The following SGCZ variants were observed in gnomAD, a reference collection of about 807,000 sequenced individuals.
SGCZ encodes sarcoglycan zeta.
SGCZ carries 40 observed loss-of-function variants against 41.3 expected under a neutral mutation model. The ratio of observed to expected loss-of-function variants is 0.97; its 90% CI spans 0.75 to 1.26. The LOEUF (loss-of-function observed/expected upper bound fraction) is 1.26, where lower values mean the gene tolerates loss of function less well. Among genes scored for constraint, SGCZ ranks in the 50% most tolerant of loss-of-function variants. SGCZ has a pLI of 0.00. For synonymous variants in SGCZ, 206 were observed against 137.5 expected (o/e 1.50, Z -3.49); for missense variants, 552 against 369.8 (o/e 1.49, Z -4.04).
intron 2 of SGCZ, among the ~76,000 whole-genome samples, chr8:14,396,554 C>A (rs1798925833): frequency 6.6e-6 from 1 of 151,942 alleles, no homozygotes; most frequent in South Asian, 2.1e-4. Context: ...TGTAAACTTT[C>A]TCTTTACTAG....
intron 1 of SGCZ, among the ~76,000 whole-genome samples, chr8:15,079,954 T>C (rs2131042654): frequency 6.6e-6 from 1 of 152,308 alleles, no homozygotes; most frequent in African/African-American, 2.4e-5. Context: ...ACACTTTTGA[T>C]TGCCTGCTCT....
At chr8:15,095,192 G>C (rs573141748) in intron 1 of SGCZ, among the ~76,000 whole-genome samples, 1 of 152,006 alleles carries the variant, frequency 6.6e-6, no homozygotes, top group South Asian at 2.1e-4. Context: ...TCCATCTCCC[G>C]GGTTCAAGCG....
intron 4 of SGCZ, among the ~76,000 whole-genome samples, chr8:14,222,963 C>A (rs1806253541): frequency 6.6e-6 from 1 of 151,712 alleles, no homozygotes; most frequent in Non-Finnish European, 1.5e-5. Context: ...AGGCACGTAC[C>A]ACCACACCCA....
intron 3 of SGCZ, among the ~76,000 whole-genome samples, chr8:14,306,968 G>T (rs984990924): frequency 1.1e-4 from 16 of 152,122 alleles, no homozygotes; most frequent in African/African-American, 3.1e-4. Context: ...TTCTCAGCAA[G>T]AAATGAAATA....
intron 1 of SGCZ, among the ~76,000 whole-genome samples, chr8:14,779,629 C>G (rs1365665389): frequency 6.6e-6 from 1 of 152,064 alleles, no homozygotes; most frequent in Non-Finnish European, 1.5e-5. Context: ...ATATAAAATT[C>G]AAAATCAACT....
intron 1 of SGCZ, among the ~76,000 whole-genome samples, chr8:14,642,927 G>C (rs1807076341): frequency 6.6e-6 from 1 of 151,620 alleles, no homozygotes; most frequent in East Asian, 1.9e-4. Flanking sequence ...TAAAAGGGTA[G>C]AGATTTCTGT....
intron 2 of SGCZ, among the ~76,000 whole-genome samples, chr8:14,511,537 T>A (rs776118912): frequency 1.3e-5 from 2 of 151,964 alleles, no homozygotes. Flanking sequence ...AAGATTCCAA[T>A]GGAAGGATAG....
intron 6 of SGCZ, among the ~76,000 whole-genome samples, chr8:14,104,160 T>C (rs1802129855): frequency 6.6e-6 from 1 of 152,190 alleles, no homozygotes; most frequent in Non-Finnish European, 1.5e-5. Context: ...AGTTTATTGG[T>C]ACTACTTGTG....
chr8:14,457,395 C>T (rs1396063898), intron 2 of SGCZ, among the ~76,000 whole-genome samples: 1 of 152,198 alleles, frequency 6.6e-6, no homozygotes, highest in Non-Finnish European at 1.5e-5. Flanking sequence ...CAAAAGGTGT[C>T]AAGGAACAAC....
intron 1 of SGCZ, among the ~76,000 whole-genome samples, chr8:15,083,399 A>G (rs949784865): frequency 1.3e-5 from 2 of 152,248 alleles, no homozygotes; most frequent in African/African-American, 4.8e-5. Flanking sequence ...ATTAAACAAA[A>G]TATCTAAGGT....
At chr8:14,633,618 C>T (rs1252398499) in intron 1 of SGCZ, among the ~76,000 whole-genome samples, 1 of 151,754 alleles carries the variant, frequency 6.6e-6, no homozygotes, top group African/African-American at 2.4e-5. Flanking sequence ...CTACAACAAA[C>T]AGCTGTTTTT....
chr8:15,148,317 C>A (rs1275018875), intron 1 of SGCZ, among the ~76,000 whole-genome samples: 1 of 152,154 alleles, frequency 6.6e-6, no homozygotes, highest in East Asian at 1.9e-4. Flanking sequence ...TATCGGACAT[C>A]AGGTTCAGGA....
intron 1 of SGCZ, among the ~76,000 whole-genome samples, chr8:14,989,367 T>C (rs1216863356): frequency 1.3e-5 from 2 of 152,018 alleles, no homozygotes; most frequent in African/African-American, 4.8e-5. Flanking sequence ...ATGCCTATAG[T>C]CTTAGCTACT....
At chr8:14,690,823 A>C (rs533382615) in intron 1 of SGCZ, among the ~76,000 whole-genome samples, 36 of 152,328 alleles carry the variant, frequency 2.4e-4, no homozygotes, top group Non-Finnish European at 1.2e-4. Flanking sequence ...TTTAGAAAAA[A>C]GTCACTCTTA....
At chr8:15,210,560 CA>C (rs1201423188) in intron 1 of SGCZ, among the ~76,000 whole-genome samples, 3 of 152,140 alleles carry the variant, frequency 2.0e-5, no homozygotes, top group African/African-American at 7.2e-5. Context: ...AATTACCTCC[CA>C]ACAGCTGACT....
At chr8:14,685,789 C>T (rs1808592721) in intron 1 of SGCZ, among the ~76,000 whole-genome samples, 1 of 151,992 alleles carries the variant, frequency 6.6e-6, no homozygotes, top group South Asian at 2.1e-4. Flanking sequence ...GAACACACAG[C>T]TGTTAGGAAA....
At chr8:14,840,011 C>G (rs912084361) in intron 1 of SGCZ, among the ~76,000 whole-genome samples, 2 of 151,890 alleles carry the variant, frequency 1.3e-5, no homozygotes, top group Middle Eastern at 3.2e-3. Context: ...TGTTTTTACA[C>G]CACTTTACAC....
intron 3 of SGCZ, among the ~76,000 whole-genome samples, chr8:14,294,117 G>A (rs1413323672): frequency 2.6e-5 from 4 of 151,764 alleles, no homozygotes; most frequent in African/African-American, 9.6e-5. Context: ...GACATTACGC[G>A]TAATTTTGTG....
chr8:14,233,487 C>A (rs1035978952), intron 4 of SGCZ, among the ~76,000 whole-genome samples: 3 of 150,428 alleles, frequency 2.0e-5, no homozygotes, highest in African/African-American at 2.4e-5. Flanking sequence ...TTTCAGTGAT[C>A]CAAATTACTA....
Sources: allele counts gnomAD v4.1 joint callset (sites outside exome capture counted in the v4.1 genomes callset), GRCh38; gene constraint gnomAD v4.1.1; transcripts MANE v1.5; gene names NCBI Gene and HGNC (gene_info 2026-07-23, HGNC 2026-07-21).